Variants in ARCN1 observed in about 807,000 individuals in gnomAD.
The protein encoded by ARCN1 is archain 1 coat protein complex I subunit delta, also known as coatomer subunit delta.
Under a neutral mutation model 60.4 loss-of-function variants are expected in ARCN1, and 5 were observed. The observed-to-expected ratio is 0.08, with a 90% confidence interval of 0.04 to 0.17. The LOEUF (loss-of-function observed/expected upper bound fraction) is 0.17, where lower values mean the gene tolerates loss of function less well. Among genes scored for constraint, ARCN1 ranks in the 10% least tolerant of loss-of-function variants. ARCN1 has a pLI of 1.00. For missense variants in ARCN1, 464 were observed against 626.5 expected, an observed-to-expected ratio of 0.74 and a Z score of 2.77; for synonymous variants, 224 against 220.0, an observed-to-expected ratio of 1.02 and a Z score of -0.16.
At chr11:118,573,639 C>T (rs1555072878) in intron 1 of ARCN1, 3 of 700,912 alleles carry the variant, frequency 4.3e-6, no homozygotes, top group East Asian at 2.7e-5. Flanking sequence ...TTTAAAACAT[C>T]GTCCAGTGTA....
rs1939172610 is a variant in ARCN1, at chr11:118,602,637, T to C, written c.*1923T>C. ...TCAGGGAAGAATTCTTATCTCTAGC[T>C]TGGTTTCCACATGAGGTTTTTCTGA... On this transcript the variant is annotated 3_prime_UTR_variant, in exon 10 of 10. Coordinates refer to ENST00000264028, the MANE Select transcript of ARCN1 (RefSeq NM_001655.5). The C allele has an allele frequency of 6.5e-6, 1 of 153,800 alleles. No individual in the cohort carries two copies. The highest frequency in any genetic ancestry group is 2.1e-4 in the South Asian group (1 of 4,830). 9.5% of individuals were successfully genotyped at this position (153,800 alleles called of 1,614,324 possible). A position where few individuals can be genotyped will look rare whatever the true frequency, so the allele number is the denominator to read the frequency against.
At chr11:118,584,104 A>T in intron 4 of ARCN1, 90 bp downstream of exon 4, 1 of 1,268,948 alleles carries the variant, frequency 7.9e-7, no homozygotes, top group Non-Finnish European at 1.1e-6. Flanking sequence ...AAAGCTGTAA[A>T]TAAAGAAGGA....
intron 8 of ARCN1, among the ~76,000 whole-genome samples, chr11:118,595,050 A>G (rs945057858): frequency 6.6e-5 from 10 of 151,566 alleles, no homozygotes; most frequent in Admixed American, 2.6e-4. Flanking sequence ...GGGTTTCACT[A>G]TGTTGGCCAG....
At chr11:118,579,546 GGCGTGGTGGCAGGCGCCT>G (rs1938603511) in intron 1 of ARCN1, among the ~76,000 whole-genome samples, 1 of 151,214 alleles carries the variant, frequency 6.6e-6, no homozygotes, top group African/African-American at 2.4e-5. Flanking sequence ...AAATTAGCCG[GGCGTGGTGGCAGGCGCCT>G]GTAATCCCAG....
chr11:118,597,910 A>G lies in ARCN1; in HGVS notation c.1445A>G (p.Gln482Arg), dbSNP rs781834098. 1 of 1,614,118 alleles carries G rather than the reference A, an allele frequency of 6.2e-7. No homozygotes were observed. ...FVSKKNYCNI[Q>R]VTKVTQVDGN... ...TCCAAGAAAAATTACTGTAACATAC[A>G]GGTACTCCATTTTAGTTGAGAACAT... Residue 482 changes from glutamine to arginine, a missense_variant and splice_region_variant, in exon 9 of 10, where the codon CAG becomes CGG. Physicochemically the swap from Gln to Arg is conservative, Grantham distance 43. This residue lies in a region of ARCN1 where 359 missense variants were observed against 440.2 expected (regional missense o/e 0.82). Transcript: ENST00000264028.
At chr11:118,576,451 C>CAAAAAAAAAAAAA (rs1938514738) in intron 1 of ARCN1, among the ~76,000 whole-genome samples, 1 of 80,030 alleles carries the variant, frequency 1.2e-5, no homozygotes. Context: ...AAAAAAAAAC[C>CAAAAAAAAAAAAA]AAAAACTTTG....
At chr11:118,600,548 T>C in intron 9 of ARCN1, 77 bp from the exon 10 acceptor site, 1 of 957,310 alleles carries the variant, frequency 1.0e-6, no homozygotes, top group Non-Finnish European at 1.6e-6. Context: ...AATTGATATG[T>C]TCTGTAATGA....
rs1939157501 is a variant in ARCN1, at chr11:118,601,986, C to T, written c.*1272C>T. The T allele has an allele frequency of 2.0e-5, 9 of 459,500 alleles. No homozygotes were observed. The highest frequency in any genetic ancestry group is 2.3e-5 in the Non-Finnish European group (6 of 255,850). 28.5% of individuals were successfully genotyped at this position (459,500 alleles called of 1,614,324 possible). ...CCTCAGTTTCACCACCTCCCTCTTC[C>T]AGACTGCACTCTCTGTCATCAGTCC... is the stretch of plus-strand genomic sequence containing the variant. On this transcript the variant is annotated 3_prime_UTR_variant, in exon 10 of 10. Transcript: ENST00000264028.
intron 1 of ARCN1, among the ~76,000 whole-genome samples, chr11:118,577,302 A>G (rs1555073815): frequency 6.6e-6 from 1 of 151,548 alleles, no homozygotes; most frequent in Non-Finnish European, 1.5e-5. Flanking sequence ...GCTGGAGTGA[A>G]GTGGTATGAT....
chr11:118,579,109 A>G (rs1057309303), intron 1 of ARCN1, among the ~76,000 whole-genome samples: 4 of 151,972 alleles, frequency 2.6e-5, no homozygotes, highest in African/African-American at 9.7e-5. Context: ...ATTTTATAGG[A>G]AAAGAAACGA....
intron 1 of ARCN1, among the ~76,000 whole-genome samples, chr11:118,574,069 A>G (rs1470144096): frequency 1.3e-5 from 2 of 152,206 alleles, no homozygotes; most frequent in Non-Finnish European, 2.9e-5. Context: ...ATTCATTGAT[A>G]ACTGAGGGAT....
chr11:118,585,690 C>A (rs1423440386), intron 5 of ARCN1, among the ~76,000 whole-genome samples: 1 of 152,066 alleles, frequency 6.6e-6, no homozygotes, highest in Non-Finnish European at 1.5e-5. Flanking sequence ...CAGGCATGCA[C>A]CACCACGCTG....
chr11:118,591,795 C>T (rs1555076350), intron 6 of ARCN1, among the ~76,000 whole-genome samples: 1 of 151,124 alleles, frequency 6.6e-6, no homozygotes, highest in Non-Finnish European at 1.5e-5. Context: ...AGTGCAGCAG[C>T]ACAACCTTGG....
intron 5 of ARCN1, among the ~76,000 whole-genome samples, chr11:118,589,108 C>A (rs1385628694): frequency 1.3e-5 from 2 of 152,070 alleles, no homozygotes; most frequent in Non-Finnish European, 2.9e-5. Context: ...AAGAGAATAT[C>A]CCTAATCTTA....
chr11:118,597,279 T>C (rs1591392231), intron 8 of ARCN1, among the ~76,000 whole-genome samples: 1 of 152,304 alleles, frequency 6.6e-6, no homozygotes, highest in South Asian at 2.1e-4. Context: ...TTTAGAGTTT[T>C]CCCCCACTAT....
intron 9 of ARCN1, among the ~76,000 whole-genome samples, chr11:118,600,349 G>T (rs1172923884): frequency 2.6e-5 from 4 of 152,160 alleles, no homozygotes; most frequent in Non-Finnish European, 5.9e-5. Context: ...GCAGGGCTGG[G>T]CTGTGGCCAC....
chr11:118,592,993 G>C (rs1938946576), intron 7 of ARCN1, 137 bp downstream of exon 7: 1 of 819,802 alleles, frequency 1.2e-6, no homozygotes, highest in Non-Finnish European at 1.9e-6. Flanking sequence ...TGGACCTGGT[G>C]CTGCATTTTG....
chr11:118,597,669 C>T (rs200938462), intron 8 of ARCN1, 38 bp from the exon 9 acceptor site: 470 of 1,607,080 alleles, frequency 2.9e-4, no homozygotes, highest in Non-Finnish European at 3.9e-4. Context: ...AGTTCTAGCT[C>T]TGAACAGCTA....
At chr11:118,586,465 A>AT (rs1239145883) in intron 5 of ARCN1, among the ~76,000 whole-genome samples, 5 of 152,132 alleles carry the variant, frequency 3.3e-5, no homozygotes, top group African/African-American at 1.2e-4. Context: ...AAATTTCTTG[A>AT]TTCACTAAAG....
Sources: gnomAD v4.1 joint callset for allele counts (sites outside exome capture counted in the v4.1 genomes callset) on GRCh38, gnomAD v4.1.1 for gene constraint, gnomAD v4.1.1 regional missense constraint, MANE v1.5 for transcripts, NCBI Gene and HGNC (gene_info 2026-07-23, HGNC 2026-07-21) for gene names.